Variants in SLC66A2 observed in about 807,000 individuals in gnomAD.
SLC66A2 encodes PQ loop repeat containing 1.
SLC66A2 carries 23 observed loss-of-function variants against 25.5 expected under a neutral mutation model. That is an observed-to-expected ratio of 0.90 (90% CI 0.65 to 1.28). The LOEUF (loss-of-function observed/expected upper bound fraction) is 1.28. Ranked by LOEUF, SLC66A2 falls within the 50% of genes most tolerant of loss-of-function variation. SLC66A2 has a pLI of 0.00. For missense variants in SLC66A2, 396 were observed against 373.1 expected, an observed-to-expected ratio of 1.06 and a Z score of -0.51; for synonymous variants, 193 against 166.5, an observed-to-expected ratio of 1.16 and a Z score of -1.23.
rs112180221 is a variant in SLC66A2 at position 79,918,655 on chromosome 18, G to A, written c.608+529C>T. On this transcript the variant is annotated intron_variant, in intron 5 of 5. Coordinates refer to ENST00000397778, the MANE Select transcript of SLC66A2 (RefSeq NM_025078.5). The surrounding 1 kb of genome is among the most constrained non-coding windows in gnomAD (Gnocchi z 4.0). ...GTTGTGCCCTACCTCTGGCGGTCACGGGGACGTCCAGGCACGCACTGGTGC... is the reference window on the plus strand; with the variant it reads ...GTTGTGCCCTACCTCTGGCGGTCACAGGGACGTCCAGGCACGCACTGGTGC... 3.6e-4 allele frequency among the ~76,000 whole-genome samples: 55 copies of A among 152,362 alleles called. No individual in the cohort carries two copies. The highest frequency in any genetic ancestry group is 1.1e-3 in the African/African-American group (44 of 41,590).
intron 4 of SLC66A2, 123 bp downstream of exon 4, chr18:79,933,846 G>C: frequency 3.7e-6 from 3 of 808,768 alleles, no homozygotes; most frequent in Middle Eastern, 2.8e-4. Context: ...CTGTAGACTC[G>C]GCCACGCTTG....
intron 5 of SLC66A2, among the ~76,000 whole-genome samples, chr18:79,913,199 C>T (rs1441664454): frequency 3.3e-5 from 5 of 152,220 alleles, no homozygotes; most frequent in East Asian, 1.9e-4. Context: ...CACTCAGCCA[C>T]GGTGGTCACA....
At chr18:79,938,003 C>G (rs1987272058) in intron 3 of SLC66A2, among the ~76,000 whole-genome samples, 1 of 152,096 alleles carries the variant, frequency 6.6e-6, no homozygotes, top group Non-Finnish European at 1.5e-5. Flanking sequence ...CTGCCAGACA[C>G]AGGGGCTCAC....
rs371394688 is a variant in SLC66A2, at chr18:79,904,938, G to A, written c.609-755C>T. On this transcript the variant is annotated intron_variant, in intron 5 of 5. Coordinates refer to ENST00000397778, the MANE Select transcript of SLC66A2 (RefSeq NM_025078.5). The surrounding 1 kb of genome is among the most constrained non-coding windows in gnomAD (Gnocchi z 6.3). ...CTGGGTGGGGAGCGCTGCCTGGACA[G>A]AAAGGACAGGACACAGCCCTCCCCC... Among the ~76,000 whole-genome samples the A allele has an allele frequency of 6.0e-4, 91 of 152,324 alleles. No homozygotes were observed. Among genetic ancestry groups the A allele is most frequent in the African/African-American group, 2.2e-3 (90 of 41,580 alleles).
chr18:79,931,298 C>T (rs1026847142), intron 4 of SLC66A2, among the ~76,000 whole-genome samples: 2 of 151,744 alleles, frequency 1.3e-5, no homozygotes, highest in African/African-American at 4.8e-5. Context: ...TTTAAAGATC[C>T]ATCGTATGTA....
chr18:79,931,859 C>A (rs542605286), intron 4 of SLC66A2, among the ~76,000 whole-genome samples: 7 of 151,656 alleles, frequency 4.6e-5, no homozygotes, highest in African/African-American at 1.5e-4. Flanking sequence ...ACAAAAAATA[C>A]AAAAAAAATT....
At chr18:79,942,556 T>A (rs763835409) in intron 3 of SLC66A2, among the ~76,000 whole-genome samples, 4 of 152,182 alleles carry the variant, frequency 2.6e-5, no homozygotes, top group Admixed American at 6.5e-5. Context: ...GAAGATACTC[T>A]TCTCCAAGTG....
chr18:79,949,797 G>A (rs1157044195), intron 2 of SLC66A2: 3 of 152,252 alleles, frequency 2.0e-5, no homozygotes, highest in African/African-American at 4.8e-5. Context: ...CCTCTTCATA[G>A]GAAGAGCAGC....
rs775249082 is a variant in SLC66A2 at position 79,927,555 on chromosome 18, C to T, written c.391+6414G>A. 1.1e-4 allele frequency among the ~76,000 whole-genome samples: 16 copies of T among 152,180 alleles called. No individual in the cohort carries two copies. The highest frequency in any genetic ancestry group is 1.9e-4 in the Non-Finnish European group (13 of 68,024). ...GGCCTCGCTGACCCCTCTAATCCTG[C>T]CACCTGTGCAGCAGGCGGCAACAGG... On this transcript the variant is annotated intron_variant, in intron 4 of 5. Transcript: ENST00000397778. The surrounding 1 kb of genome is among the most constrained non-coding windows in gnomAD (Gnocchi z 6.2).
intron 5 of SLC66A2, among the ~76,000 whole-genome samples, chr18:79,906,783 A>T (rs1982185161): frequency 6.6e-6 from 1 of 152,130 alleles, no homozygotes; most frequent in African/African-American, 2.4e-5. Flanking sequence ...CCTAAGTGCA[A>T]CTGGGGATTT....
Position 79,917,907 on chromosome 18 carries a change from A to G in SLC66A2, c.608+1277T>C, listed in dbSNP as rs1482982475. Among the ~76,000 whole-genome samples the G allele has an allele frequency of 6.7e-6, 1 of 150,120 alleles. No homozygotes were observed. Among genetic ancestry groups the G allele is most frequent in the Non-Finnish European group, 1.5e-5 (1 of 67,460 alleles). On this transcript the variant is annotated intron_variant, in intron 5 of 5. Transcript: ENST00000397778. This position sits in a 1 kb window ranked among gnomAD's most constrained non-coding sequence, Gnocchi z 6.0. Reference sequence around the variant, plus strand: ...CACCTGACCCATGCCCCACACCTCTACCTACAGCCCACACCGGAACTCCAT... The same window carrying G: ...CACCTGACCCATGCCCCACACCTCTGCCTACAGCCCACACCGGAACTCCAT...
chr18:79,907,445 C>T (rs1483257794), intron 5 of SLC66A2, among the ~76,000 whole-genome samples: 2 of 149,682 alleles, frequency 1.3e-5, no homozygotes, highest in Non-Finnish European at 3.0e-5. Context: ...TCCGCCTCCC[C>T]AGTTTAAGCA....
At chr18:79,943,627 C>T (rs1222028472) in intron 2 of SLC66A2, 165 bp from the exon 3 acceptor site, 12 of 752,428 alleles carry the variant, frequency 1.6e-5, no homozygotes, top group South Asian at 1.5e-4. Flanking sequence ...CCACCCACAT[C>T]GCCTCTCCCA....
At chr18:79,916,241 CCGTGGTGCTCT>C (rs1480012802) in intron 5 of SLC66A2, among the ~76,000 whole-genome samples, 2 of 111,602 alleles carry the variant, frequency 1.8e-5, no homozygotes, top group East Asian at 6.8e-4. Context: ...ACTCCCGTAC[CCGTGGTGCTCT>C]CATAGCCGCA....
intron 4 of SLC66A2, among the ~76,000 whole-genome samples, chr18:79,928,381 C>G (rs1225637284): frequency 6.6e-6 from 1 of 152,190 alleles, no homozygotes; most frequent in African/African-American, 2.4e-5. Context: ...CGTTGCTCTG[C>G]CAGCCTGAAA....
At chr18:79,920,106 A>G (rs200402055) in intron 4 of SLC66A2, among the ~76,000 whole-genome samples, 14 of 866 alleles carry the variant, frequency 0.016, no homozygotes, top group East Asian at 0.25. Context: ...GGAGAGGTCA[A>G]GGTCAGTGGG....
chr18:79,945,384 G>A (rs1004535030), intron 2 of SLC66A2, among the ~76,000 whole-genome samples: 2 of 152,170 alleles, frequency 1.3e-5, no homozygotes, highest in African/African-American at 4.8e-5. Context: ...AGACAGGCAA[G>A]CAGACAAGCT....
rs150915352 is a variant in SLC66A2 at position 79,950,772 on chromosome 18, T to C, written c.155A>G (p.Tyr52Cys). ...GGCCACCAGCAGCACCAGGCACACG[T>C]AGGTGGAGAAGCCGTCGGCGTTCTG... ...RTQNADGFST[Y>C]VCLVLLVANI... The change falls in exon 2 of 6, where the codon TAC becomes TGC. Residue 52 changes from tyrosine to cysteine, a missense_variant. By Grantham distance (194) the Tyr-to-Cys change is radical (BLOSUM62 -2). Transcript: ENST00000397778. 153 of 1,613,220 alleles carry C rather than the reference T, an allele frequency of 9.5e-5. 2 individuals carry two copies. The highest frequency in any genetic ancestry group is 5.3e-4 in the South Asian group (48 of 91,088).
chr18:79,903,622 G>C lies in SLC66A2; in HGVS notation c.*354C>G. 1 of 307,672 alleles carries C rather than the reference G, an allele frequency of 3.3e-6. No homozygotes were observed. Among genetic ancestry groups the C allele is most frequent in the Non-Finnish European group, 6.0e-6 (1 of 166,190 alleles). 19.1% of individuals were successfully genotyped at this position (307,672 alleles called of 1,614,324 possible). The stretch of plus-strand genomic sequence containing the variant: ...CCAGCTTCAAGGTTCGCGGCTGCTG[G>C]CCCGTGTGTCCACCTGGAGCAGGTT... On this transcript the variant is annotated 3_prime_UTR_variant, in exon 6 of 6. Coordinates refer to ENST00000397778, the MANE Select transcript of SLC66A2 (RefSeq NM_025078.5).
Sources: gnomAD v4.1 joint callset for allele counts (sites outside exome capture counted in the v4.1 genomes callset) on GRCh38, gnomAD v4.1.1 for gene constraint, Gnocchi (gnomAD v3.1) non-coding constraint, MANE v1.5 for transcripts, NCBI Gene and HGNC (gene_info 2026-07-23, HGNC 2026-07-21) for gene names.